The following EIF4E variants were observed in gnomAD, a reference collection of about 807,000 sequenced individuals.
EIF4E encodes eukaryotic translation initiation factor 4E.
For missense variants in EIF4E, 113 were observed against 265.6 expected, an observed-to-expected ratio of 0.43 and a Z score of 3.99; for synonymous variants, 71 against 88.5, an observed-to-expected ratio of 0.80 and a Z score of 1.11.
At chr4:98,911,826 G>T (rs1172696536) in intron 1 of EIF4E, among the ~76,000 whole-genome samples, 5 of 150,230 alleles carry the variant, frequency 3.3e-5, no homozygotes, top group African/African-American at 1.2e-4. Context: ...ATTCAGTCTG[G>T]GTTTGGGGAG....
chr4:98,893,658 G>T (rs1724248509), intron 2 of EIF4E, among the ~76,000 whole-genome samples: 1 of 152,144 alleles, frequency 6.6e-6, no homozygotes, highest in Non-Finnish European at 1.5e-5. Flanking sequence ...CTTACTGTTG[G>T]TCTCTTGCTC....
At chr4:98,896,486 CAA>C (rs59729154) in intron 2 of EIF4E, among the ~76,000 whole-genome samples, 9 of 39,024 alleles carry the variant, frequency 2.3e-4, no homozygotes, top group African/African-American at 9.7e-4. Context: ...CCGCATCTCT[CAA>C]AAAAAAAAAA....
chr4:98,902,948 A>G (rs907257865), intron 1 of EIF4E, among the ~76,000 whole-genome samples: 1 of 152,214 alleles, frequency 6.6e-6, no homozygotes, highest in African/African-American at 2.4e-5. Flanking sequence ...TGTTTACCCT[A>G]TCGTAACCTA....
At chr4:98,899,206 A>C (rs376463077) in intron 2 of EIF4E, among the ~76,000 whole-genome samples, 1 of 152,186 alleles carries the variant, frequency 6.6e-6, no homozygotes, top group Non-Finnish European at 1.5e-5. Flanking sequence ...ACTTGAAAAG[A>C]TATTCCATAA....
chr4:98,884,759 T>C (rs1040022388), intron 6 of EIF4E, among the ~76,000 whole-genome samples, 163 bp downstream of exon 6: 2 of 152,076 alleles, frequency 1.3e-5, no homozygotes, highest in Admixed American at 6.6e-5. Context: ...AAACAAGACG[T>C]TGCGCACCAA....
chr4:98,881,977 T>A (rs1045465803), intron 6 of EIF4E, among the ~76,000 whole-genome samples: 1 of 152,154 alleles, frequency 6.6e-6, no homozygotes, highest in African/African-American at 2.4e-5. Flanking sequence ...AATGAGCACA[T>A]TTGAAAGCTG....
intron 2 of EIF4E, among the ~76,000 whole-genome samples, chr4:98,898,316 G>A (rs139704270): frequency 4.9e-4 from 75 of 152,126 alleles, no homozygotes; most frequent in Middle Eastern, 3.4e-3. Context: ...CTTCTAAGAC[G>A]GCAAAAATGC....
chr4:98,912,898 C>G (rs1349248124), intron 1 of EIF4E, among the ~76,000 whole-genome samples: 1 of 152,074 alleles, frequency 6.6e-6, no homozygotes, highest in Non-Finnish European at 1.5e-5. Flanking sequence ...AACAAATGAG[C>G]AGTTACTGTT....
At chr4:98,921,308 TAAG>T (rs1725637696) in intron 1 of EIF4E, among the ~76,000 whole-genome samples, 1 of 152,176 alleles carries the variant, frequency 6.6e-6, no homozygotes, top group African/African-American at 2.4e-5. Context: ...TACTGCCCCA[TAAG>T]AAGTTTCACG....
At chr4:98,882,582 T>C (rs1423602063) in intron 6 of EIF4E, among the ~76,000 whole-genome samples, 1 of 151,972 alleles carries the variant, frequency 6.6e-6, no homozygotes, top group East Asian at 1.9e-4. Context: ...TAAAATAAGG[T>C]ATTAAAAAGT....
In EIF4E at chr4:98,880,906, A is replaced by C; in HGVS notation, c.*122T>G. 2 of 1,516,596 alleles carry C rather than the reference A, an allele frequency of 1.3e-6. No individual in the cohort carries two copies. Among genetic ancestry groups the C allele is most frequent in the Non-Finnish European group, 1.8e-6 (2 of 1,125,276 alleles). 93.9% of individuals were successfully genotyped at this position (1,516,596 alleles called of 1,614,324 possible). A position where few individuals can be genotyped will look rare whatever the true frequency, so the allele number is the denominator to read the frequency against. On this transcript the variant is annotated 3_prime_UTR_variant, in exon 7 of 7. Coordinates refer to ENST00000450253, the MANE Select transcript of EIF4E (RefSeq NM_001968.5). ...ATGAGACTTCTCTTATATCTGAGTA[A>C]CATTAAGATGGAAATCAAATTTAAA...
At chr4:98,914,362 A>C (rs1209923866) in intron 1 of EIF4E, among the ~76,000 whole-genome samples, 3 of 27,852 alleles carry the variant, frequency 1.1e-4, no homozygotes, top group Non-Finnish European at 1.8e-4. Flanking sequence ...ACTCCGTCTC[A>C]AAAAAAAAAA....
chr4:98,915,668 G>A (rs1725346864), intron 1 of EIF4E, among the ~76,000 whole-genome samples: 1 of 151,388 alleles, frequency 6.6e-6, no homozygotes, highest in Non-Finnish European at 1.5e-5. Context: ...AACCTCCCAA[G>A]TAGCTGGGAT....
intron 1 of EIF4E, among the ~76,000 whole-genome samples, chr4:98,906,780 C>T (rs182349166): frequency 6.6e-6 from 1 of 152,274 alleles, no homozygotes; most frequent in East Asian, 1.9e-4. Flanking sequence ...ATGAGATGCA[C>T]TGCTTCTGAT....
chr4:98,905,491 G>A (rs1724834608), intron 1 of EIF4E, among the ~76,000 whole-genome samples: 1 of 152,090 alleles, frequency 6.6e-6, no homozygotes, highest in Non-Finnish European at 1.5e-5. Context: ...TGAAAGAGAG[G>A]GTTCATGAAA....
At chr4:98,914,198 A>G (rs1402803568) in intron 1 of EIF4E, among the ~76,000 whole-genome samples, 3 of 151,738 alleles carry the variant, frequency 2.0e-5, no homozygotes, top group Non-Finnish European at 4.4e-5. Context: ...TCTACTAAAA[A>G]TACAAAAATT....
At chr4:98,890,629 C>T (rs2110184105) in intron 3 of EIF4E, among the ~76,000 whole-genome samples, 1 of 152,286 alleles carries the variant, frequency 6.6e-6, no homozygotes, top group South Asian at 2.1e-4. Context: ...TGAGCCCAGC[C>T]TTAAATTTTG....
intron 6 of EIF4E, among the ~76,000 whole-genome samples, chr4:98,882,947 G>A (rs148631739): frequency 6.6e-6 from 1 of 151,984 alleles, no homozygotes; most frequent in African/African-American, 2.4e-5. Flanking sequence ...ATGAAATGTA[G>A]AAAATCCCTA....
intron 1 of EIF4E, among the ~76,000 whole-genome samples, chr4:98,918,072 AT>A (rs1439482597): frequency 6.9e-6 from 1 of 144,366 alleles, no homozygotes; most frequent in Admixed American, 7.0e-5. Flanking sequence ...TCTCAAAAAA[AT>A]TTTTTTTTGC....
Sources: gnomAD v4.1 joint callset for allele counts (sites outside exome capture counted in the v4.1 genomes callset) on GRCh38, gnomAD v4.1.1 for gene constraint, MANE v1.5 for transcripts, NCBI Gene and HGNC (gene_info 2026-07-23, HGNC 2026-07-21) for gene names.